The following TULP4 variants were observed in gnomAD, a reference collection of about 807,000 sequenced individuals.
TULP4 encodes the protein tubby-related protein 4.
Under a neutral mutation model 129.0 loss-of-function variants are expected in TULP4, and 16 were observed. The ratio of observed to expected loss-of-function variants is 0.12; its 90% CI spans 0.08 to 0.19. TULP4 has a LOEUF of 0.19. Ranked by LOEUF, TULP4 falls within the 10% of genes least tolerant of loss-of-function variation. The pLI is 1.00. For synonymous variants in TULP4, 998 were observed against 854.0 expected, an observed-to-expected ratio of 1.17 and a Z score of -2.94; for missense variants, 1,842 against 2,059.1, an observed-to-expected ratio of 0.89 and a Z score of 2.04.
chr6:158,499,033 T>C (rs977023596), intron 12 of TULP4, among the ~76,000 whole-genome samples: 3 of 152,166 alleles, frequency 2.0e-5, no homozygotes, highest in Non-Finnish European at 4.4e-5. Context: ...GCACAGATGG[T>C]TCCAGTAGCA....
chr6:158,357,000 T>C (rs1780664707), intron 1 of TULP4, among the ~76,000 whole-genome samples: 1 of 152,160 alleles, frequency 6.6e-6, no homozygotes, highest in South Asian at 2.1e-4. Flanking sequence ...AATAGATCTC[T>C]GTCACAGAAT....
chr6:158,508,123 T>G lies in TULP4; in HGVS notation c.*1429T>G, dbSNP rs939653448. ...CCTGTGGGCAGTATTCAAGCCCTGATGACAAAACCCAGTGTTTTTTGTTGT... is the reference window on the plus strand; with the variant it reads ...CCTGTGGGCAGTATTCAAGCCCTGAGGACAAAACCCAGTGTTTTTTGTTGT... On this transcript the variant is annotated 3_prime_UTR_variant, in exon 14 of 14. Transcript: ENST00000367097. 3 of 152,266 alleles carry G rather than the reference T, an allele frequency of 2.0e-5. No homozygotes were observed. The highest frequency in any genetic ancestry group is 7.2e-5 in the African/African-American group (3 of 41,462). The allele number at this position is 152,266 out of a possible 1,614,324, so 9.4% of individuals were successfully genotyped here.
Position 158,502,826 on chromosome 6 carries a change from C to T in TULP4, c.3163C>T (p.His1055Tyr). ...PSSQPGASLA[H>Y]TASASPLASQ... ...CTCACAGCCCGGAGCCTCCCTGGCC[C>T]ATACCGCCAGCGCCTCCCCGTTGGC... Residue 1055 changes from histidine to tyrosine, a missense_variant, in exon 13 of 14, where the codon CAT becomes TAT. Around this residue, in one of 5 missense-constraint regions of TULP4, gnomAD observed 1,089 missense variants for 987.1 expected, o/e 1.10. Coordinates refer to ENST00000367097, the MANE Select transcript of TULP4 (RefSeq NM_020245.5). 1 of 1,612,876 alleles carries T rather than the reference C, an allele frequency of 6.2e-7. No individual in the cohort carries two copies. Among genetic ancestry groups the T allele is most frequent in the Non-Finnish European group, 8.5e-7 (1 of 1,179,896 alleles).
intron 1 of TULP4, among the ~76,000 whole-genome samples, chr6:158,388,859 C>G (rs1777519015): frequency 3.3e-5 from 5 of 152,068 alleles, no homozygotes; most frequent in Admixed American, 3.3e-4. Context: ...AGAGTGGATC[C>G]CAGTGTGTCC....
intron 11 of TULP4, 146 bp from the exon 12 acceptor site, chr6:158,498,523 C>T: frequency 1.1e-6 from 1 of 927,934 alleles, no homozygotes; most frequent in Non-Finnish European, 1.6e-6. Flanking sequence ...ATGAAGAGCT[C>T]CTCTCAGCCT....
intron 1 of TULP4, among the ~76,000 whole-genome samples, chr6:158,239,074 C>A (rs1425184479): frequency 7.7e-6 from 1 of 130,114 alleles, no homozygotes; most frequent in Non-Finnish European, 1.8e-5. Flanking sequence ...CCCCACCTCC[C>A]TCCCGGACGG....
chr6:158,311,376 G>T (rs1779348082), upstream of TULP4, among the ~76,000 whole-genome samples: 1 of 152,180 alleles, frequency 6.6e-6, no homozygotes, highest in Admixed American at 6.5e-5. Flanking sequence ...GGAGGGCAGG[G>T]AGGATGAGTA....
intron 6 of TULP4, among the ~76,000 whole-genome samples, chr6:158,466,338 T>G (rs1186279609): frequency 6.6e-6 from 1 of 152,244 alleles, no homozygotes; most frequent in Non-Finnish European, 1.5e-5. Context: ...ACACAAGGAT[T>G]CTAGTTTTTC....
At chr6:158,246,642 C>T (rs540860907) in intron 1 of TULP4, among the ~76,000 whole-genome samples, 107 of 152,284 alleles carry the variant, frequency 7.0e-4, no homozygotes, top group African/African-American at 2.5e-3. Context: ...GTCAGCTCTA[C>T]TTGGTTTCTT....
intron 1 of TULP4, among the ~76,000 whole-genome samples, chr6:158,348,254 G>A (rs1464180528): frequency 7.0e-6 from 1 of 143,590 alleles, no homozygotes; most frequent in Admixed American, 7.3e-5. Context: ...TAGGATAATA[G>A]TGGAGAGAAG....
At chr6:158,371,817 TTATGTTTG>T (rs1777075886) in intron 1 of TULP4, among the ~76,000 whole-genome samples, 1 of 152,186 alleles carries the variant, frequency 6.6e-6, no homozygotes, top group African/African-American at 2.4e-5. Context: ...GTTTTCTAGT[TTATGTTTG>T]TATGTTTGAG....
intron 3 of TULP4, among the ~76,000 whole-genome samples, chr6:158,435,926 CTTT>C (rs11303299): frequency 2.7e-5 from 4 of 146,972 alleles, no homozygotes; most frequent in Admixed American, 6.8e-5. Context: ...AACTGGGACT[CTTT>C]TTTTTTTTTT....
intron 1 of TULP4, among the ~76,000 whole-genome samples, chr6:158,270,667 G>A (rs1778531468): frequency 6.6e-6 from 1 of 152,160 alleles, no homozygotes; most frequent in Non-Finnish European, 1.5e-5. Flanking sequence ...ATCATCTGTT[G>A]ATGTGATGCT....
rs1307660129 is a variant in TULP4, at chr6:158,507,873, T to C, written c.*1179T>C. On this transcript the variant is annotated 3_prime_UTR_variant, in exon 14 of 14. Coordinates refer to ENST00000367097, the MANE Select transcript of TULP4 (RefSeq NM_020245.5). ...AAAATGTTAAGTGTTCACCAGGGTA[T>C]TAAAATACAGAGGAGTATGGTCAAA... 2.0e-5 allele frequency: 3 copies of C among 152,234 alleles called. No individual in the cohort carries two copies. The highest frequency in any genetic ancestry group is 7.2e-5 in the African/African-American group (3 of 41,466). 9.4% of individuals were successfully genotyped at this position (152,234 alleles called of 1,614,324 possible). A position where few individuals can be genotyped will look rare whatever the true frequency, so the allele number is the denominator to read the frequency against.
intron 1 of TULP4, chr6:158,242,055 T>C: frequency 1.3e-6 from 1 of 793,378 alleles, no homozygotes; most frequent in South Asian, 1.3e-5. Context: ...CTACATCCGT[T>C]GGTTTTAGTA....
chr6:158,332,903 G>C (rs1779943577), intron 1 of TULP4, among the ~76,000 whole-genome samples: 1 of 152,066 alleles, frequency 6.6e-6, no homozygotes, highest in African/African-American at 2.4e-5. Flanking sequence ...TGATGGGTTG[G>C]GAGCTGAGAG....
intron 1 of TULP4, among the ~76,000 whole-genome samples, chr6:158,406,182 T>C (rs1384143003): frequency 6.6e-6 from 1 of 152,188 alleles, no homozygotes; most frequent in East Asian, 1.9e-4. Context: ...CAGAGCCTCT[T>C]GGACCCTGAC....
intron 1 of TULP4, among the ~76,000 whole-genome samples, chr6:158,276,306 CTTTT>C (rs59674153): frequency 2.2e-5 from 3 of 136,172 alleles, no homozygotes; most frequent in Admixed American, 1.5e-4. Flanking sequence ...CTTCTTCTTT[CTTTT>C]TTTTTTTTTT....
chr6:158,336,186 A>G (rs1780028790), intron 1 of TULP4, among the ~76,000 whole-genome samples: 1 of 152,218 alleles, frequency 6.6e-6, no homozygotes, highest in African/African-American at 2.4e-5. Flanking sequence ...TCCTATTATG[A>G]GTAAGGTTGA....
Sources: gnomAD v4.1 joint callset for allele counts (sites outside exome capture counted in the v4.1 genomes callset) on GRCh38, gnomAD v4.1.1 for gene constraint, gnomAD v4.1.1 regional missense constraint, MANE v1.5 for transcripts, NCBI Gene and HGNC (gene_info 2026-07-23, HGNC 2026-07-21) for gene names.